Variants in LDLRAD3 observed in about 807,000 individuals in gnomAD.
The protein encoded by LDLRAD3 is low-density lipoprotein receptor class A domain-containing protein 3.
In LDLRAD3, 20 loss-of-function variants were observed where a neutral mutation model predicts 29.4. That is an observed-to-expected ratio of 0.68 (90% confidence interval 0.48 to 0.99). The LOEUF (loss-of-function observed/expected upper bound fraction) is 0.99, where lower values mean the gene tolerates loss of function less well. Among genes scored for constraint, LDLRAD3 ranks in the 50% least tolerant of loss-of-function variants. The pLI, the probability that LDLRAD3 is intolerant of heterozygous loss-of-function variation, is 0.00. For missense variants in LDLRAD3, 420 were observed against 454.3 expected, an observed-to-expected ratio of 0.92 and a Z score of 0.69; for synonymous variants, 157 against 192.7, an observed-to-expected ratio of 0.81 and a Z score of 1.53.
At chr11:36,066,092 A>G (rs1016291145) in intron 2 of LDLRAD3, among the ~76,000 whole-genome samples, 11 of 152,018 alleles carry the variant, frequency 7.2e-5, no homozygotes, top group African/African-American at 2.2e-4. Context: ...AGGGTCTAGA[A>G]TGGAGTCCTC....
chr11:36,191,568 C>A (rs1332308618), intron 4 of LDLRAD3, among the ~76,000 whole-genome samples: 22 of 78,868 alleles, frequency 2.8e-4, no homozygotes, highest in South Asian at 4.8e-4. Context: ...CTCTCTCTCT[C>A]TCTCTCTCTA....
chr11:36,194,881 C>A (rs1257926621), intron 4 of LDLRAD3, among the ~76,000 whole-genome samples: 1 of 152,130 alleles, frequency 6.6e-6, no homozygotes, highest in African/African-American at 2.4e-5. Context: ...GATGTGGTCC[C>A]TGCCTGTTCA....
intron 3 of LDLRAD3, among the ~76,000 whole-genome samples, chr11:36,091,465 G>A (rs1430208008): frequency 6.6e-6 from 1 of 152,024 alleles, no homozygotes; most frequent in Non-Finnish European, 1.5e-5. Context: ...ACCACTAAGC[G>A]GTTCCCTTCA....
At chr11:36,058,932 T>C (rs1308158391) in intron 2 of LDLRAD3, among the ~76,000 whole-genome samples, 4 of 152,222 alleles carry the variant, frequency 2.6e-5, no homozygotes, top group Non-Finnish European at 5.9e-5. Context: ...TTCACAGCTC[T>C]CTGTCTTCCC....
chr11:36,144,519 TG>T (rs1435949423), intron 4 of LDLRAD3, among the ~76,000 whole-genome samples: 1 of 149,712 alleles, frequency 6.7e-6, no homozygotes, highest in Non-Finnish European at 1.5e-5. Context: ...GTCTGAGATG[TG>T]GGGAGCGCCT....
intron 4 of LDLRAD3, among the ~76,000 whole-genome samples, chr11:36,131,722 G>A (rs1386891550): frequency 3.3e-5 from 5 of 152,212 alleles, no homozygotes; most frequent in African/African-American, 9.7e-5. Flanking sequence ...ATACCTGGGT[G>A]TATTTTGTCC....
chr11:36,062,548 G>A (rs1425134115), intron 2 of LDLRAD3, among the ~76,000 whole-genome samples: 1 of 152,168 alleles, frequency 6.6e-6, no homozygotes, highest in Admixed American at 6.5e-5. Context: ...TGGTTTGGCT[G>A]TGTCCCCACC....
intron 2 of LDLRAD3, among the ~76,000 whole-genome samples, chr11:36,061,774 T>C (rs780000572): frequency 6.6e-6 from 1 of 152,184 alleles, no homozygotes; most frequent in Non-Finnish European, 1.5e-5. Flanking sequence ...CCACAGAAAC[T>C]TTTATTACTA....
intron 4 of LDLRAD3, among the ~76,000 whole-genome samples, chr11:36,183,251 C>A (rs755758969): frequency 6.6e-6 from 1 of 152,172 alleles, no homozygotes; most frequent in Admixed American, 6.5e-5. Context: ...GCAGCATGTA[C>A]TTTTACAAAC....
intron 4 of LDLRAD3, among the ~76,000 whole-genome samples, chr11:36,211,541 G>A (rs1728944367): frequency 6.6e-6 from 1 of 152,142 alleles, no homozygotes; most frequent in Non-Finnish European, 1.5e-5. Context: ...AACAGATGAT[G>A]GTAACTTGTC....
At chr11:36,065,656 G>A (rs1852778883) in intron 2 of LDLRAD3, among the ~76,000 whole-genome samples, 1 of 152,188 alleles carries the variant, frequency 6.6e-6, no homozygotes, top group Non-Finnish European at 1.5e-5. Context: ...TGCAGGCTGT[G>A]GGAACAGCCT....
intron 4 of LDLRAD3, among the ~76,000 whole-genome samples, chr11:36,103,243 T>TA (rs1283725228): frequency 1.3e-5 from 2 of 148,716 alleles, no homozygotes; most frequent in Non-Finnish European, 3.0e-5. Context: ...AATCTTTTTT[T>TA]TTTTTTTTTT....
At chr11:36,077,330 T>C (rs1853029896) in intron 2 of LDLRAD3, among the ~76,000 whole-genome samples, 1 of 152,234 alleles carries the variant, frequency 6.6e-6, no homozygotes, top group Non-Finnish European at 1.5e-5. Flanking sequence ...GGCAGCAAAG[T>C]ACTGTTACGG....
At chr11:36,046,011 TG>T (rs1320827774) in intron 2 of LDLRAD3, among the ~76,000 whole-genome samples, 4 of 151,792 alleles carry the variant, frequency 2.6e-5, no homozygotes, top group Non-Finnish European at 4.4e-5. Context: ...CCCCTCCCTG[TG>T]TCTATGCATA....
chr11:36,204,797 T>C (rs1855182953), intron 4 of LDLRAD3, among the ~76,000 whole-genome samples: 1 of 152,216 alleles, frequency 6.6e-6, no homozygotes, highest in Non-Finnish European at 1.5e-5. Flanking sequence ...CTGGAGTTTC[T>C]TCTTTAATGG....
chr11:36,166,218 CATTAAAAATTCATACATATGGATCTGGA>C (rs1854513875), intron 4 of LDLRAD3, among the ~76,000 whole-genome samples: 2 of 152,134 alleles, frequency 1.3e-5, no homozygotes, highest in African/African-American at 2.4e-5. Context: ...TGACACAGTT[CATTAAAAATTCATACATATGGATCTGGA>C]AATGAAACAT....
At chr11:36,140,462 T>C (rs1854064964) in intron 4 of LDLRAD3, among the ~76,000 whole-genome samples, 1 of 152,210 alleles carries the variant, frequency 6.6e-6, no homozygotes, top group African/African-American at 2.4e-5. Context: ...AGGGTTTCAC[T>C]ATGTCACCCA....
chr11:36,074,843 A>G (rs1590245420), intron 2 of LDLRAD3, among the ~76,000 whole-genome samples: 1 of 151,834 alleles, frequency 6.6e-6, no homozygotes, highest in East Asian at 1.9e-4. Flanking sequence ...GGAAAATGGA[A>G]CTCCTCTGCT....
At chr11:35,994,910 C>G (rs1851734997) in intron 1 of LDLRAD3, among the ~76,000 whole-genome samples, 1 of 152,182 alleles carries the variant, frequency 6.6e-6, no homozygotes, top group Non-Finnish European at 1.5e-5. Context: ...TCAATTCAGT[C>G]ACATCTTTAG....
Sources: allele counts gnomAD v4.1 joint callset (sites outside exome capture counted in the v4.1 genomes callset), GRCh38; gene constraint gnomAD v4.1.1; transcripts MANE v1.5; gene names NCBI Gene and HGNC (gene_info 2026-07-23, HGNC 2026-07-21).